Variants in ST18 observed in about 807,000 individuals in gnomAD.
ST18 encodes the protein suppression of tumorigenicity 18 protein.
In ST18, 50 loss-of-function variants were observed where a neutral mutation model predicts 110.0. That is an observed-to-expected ratio of 0.45 (90% CI 0.36 to 0.58). The LOEUF is 0.58. ST18 is among the 20% of genes least tolerant of loss of function. The pLI is 0.00. For synonymous variants in ST18, 461 were observed against 452.4 expected, an observed-to-expected ratio of 1.02 and a Z score of -0.24; for missense variants, 1,306 against 1,280.1, an observed-to-expected ratio of 1.02 and a Z score of -0.31.
intron 2 of ST18, among the ~76,000 whole-genome samples, chr8:52,397,132 C>G (rs924802106): frequency 2.0e-5 from 3 of 152,200 alleles, no homozygotes; most frequent in African/African-American, 7.2e-5. Flanking sequence ...TCTCCACACC[C>G]TTACCAACAT....
intron 23 of ST18, among the ~76,000 whole-genome samples, chr8:52,121,702 A>C (rs2044881394): frequency 6.6e-6 from 1 of 152,166 alleles, no homozygotes; most frequent in Non-Finnish European, 1.5e-5. Flanking sequence ...TGAAAATACT[A>C]TCTTTATTCA....
chr8:52,318,415 T>C (rs2096066786), intron 2 of ST18, among the ~76,000 whole-genome samples: 1 of 152,166 alleles, frequency 6.6e-6, no homozygotes, highest in Non-Finnish European at 1.5e-5. Flanking sequence ...CTGGCAACGT[T>C]GTGGAGAAAA....
At chr8:52,341,940 C>T (rs951463569) in intron 2 of ST18, among the ~76,000 whole-genome samples, 12 of 152,304 alleles carry the variant, frequency 7.9e-5, no homozygotes, top group Middle Eastern at 3.4e-3. Context: ...AAATAGAAAT[C>T]TGCTGGAGGG....
chr8:52,297,182 T>TG (rs1043265732), intron 2 of ST18, among the ~76,000 whole-genome samples: 1 of 152,220 alleles, frequency 6.6e-6, no homozygotes, highest in East Asian at 1.9e-4. Flanking sequence ...GCGCAGGCTG[T>TG]GGGGGGTGCA....
chr8:52,167,128 C>T, intron 10 of ST18, 142 bp from the exon 11 acceptor site: 1 of 1,177,710 alleles, frequency 8.5e-7, no homozygotes, highest in Non-Finnish European at 1.2e-6. Flanking sequence ...TTGAACAAGA[C>T]CCTCAACTAA....
chr8:52,349,012 C>T (rs376493733), intron 2 of ST18, among the ~76,000 whole-genome samples: 8 of 152,118 alleles, frequency 5.3e-5, no homozygotes, highest in African/African-American at 7.2e-5. Flanking sequence ...CCAACCCCCA[C>T]GCCCCAACCA....
chr8:52,125,990 G>A, intron 23 of ST18, 62 bp downstream of exon 23: 3 of 1,337,474 alleles, frequency 2.2e-6, no homozygotes, highest in East Asian at 4.7e-5. Context: ...CACACGGAAC[G>A]CTTTGGGGAG....
chr8:52,160,208 A>G (rs991221180), intron 14 of ST18, among the ~76,000 whole-genome samples: 1 of 152,228 alleles, frequency 6.6e-6, no homozygotes, highest in Admixed American at 6.5e-5. Context: ...CTGTATAGGC[A>G]CACACAAAAT....
intron 2 of ST18, among the ~76,000 whole-genome samples, chr8:52,366,288 T>A (rs143648098): frequency 3.1e-3 from 454 of 146,118 alleles, no homozygotes; most frequent in Middle Eastern, 6.9e-3. Context: ...GTTTCAATGT[T>A]GCCCCTCACA....
rs560265425 is a variant in ST18 at position 52,217,733 on chromosome 8, T to C, written c.-1+13A>G. 7.2e-5 allele frequency: 11 copies of C among 152,366 alleles called. 1 individual carries two copies. Among genetic ancestry groups the C allele is most frequent in the African/African-American group, 2.6e-4 (11 of 41,592 alleles). The allele number at this position is 152,366 out of a possible 1,614,324, so 9.4% of individuals were successfully genotyped here. A position where few individuals can be genotyped will look rare whatever the true frequency, so the allele number is the denominator to read the frequency against. On this transcript the variant is annotated intron_variant, in intron 6 of 25. Coordinates refer to ENST00000689386, the MANE Select transcript of ST18 (RefSeq NM_001352837.2). ...GGAAAGCTCTCATTTAATATCTTTA[T>C]GTACTTACAAACCTATAAACAGATG...
chr8:52,251,691 G>C (rs1407643889), intron 2 of ST18, among the ~76,000 whole-genome samples: 1 of 151,938 alleles, frequency 6.6e-6, no homozygotes, highest in East Asian at 1.9e-4. Flanking sequence ...GAGCAATGAA[G>C]TCTTTACTAC....
At chr8:52,306,456 A>G (rs939773140) in intron 2 of ST18, among the ~76,000 whole-genome samples, 2 of 152,246 alleles carry the variant, frequency 1.3e-5, no homozygotes, top group African/African-American at 4.8e-5. Flanking sequence ...GTTGAAAAAA[A>G]CAAATACATG....
chr8:52,246,083 C>A (rs776487854), intron 2 of ST18, among the ~76,000 whole-genome samples: 1 of 152,004 alleles, frequency 6.6e-6, no homozygotes, highest in Non-Finnish European at 1.5e-5. Flanking sequence ...TTTGACAACA[C>A]TATATTCAAA....
rs1318077379 is a variant in ST18, at chr8:52,131,988, T to A, written c.2636A>T (p.His879Leu). 6 of 1,614,042 alleles carry A rather than the reference T, an allele frequency of 3.7e-6. No homozygotes were observed. The highest frequency in any genetic ancestry group is 4.2e-6 in the Non-Finnish European group (5 of 1,180,032). The change falls in exon 22 of 26, where the codon CAT (histidine) becomes CTT (leucine). Residue 879 changes from histidine to leucine, a missense_variant. By Grantham distance (99) the His-to-Leu change is moderately conservative. Coordinates refer to ENST00000689386, the MANE Select transcript of ST18 (RefSeq NM_001352837.2). ...GTGGGTGACAAAAACATTATTTACATGGCCCAGCCCATTGCAGCCTGGCAA... is the reference window on the plus strand; with the variant it reads ...GTGGGTGACAAAAACATTATTTACAAGGCCCAGCCCATTGCAGCCTGGCAA... ...CPLPGCNGLG[H>L]VNNVFVTHRS...
chr8:52,137,810 A>C, intron 17 of ST18: 1 of 243,068 alleles, frequency 4.1e-6, no homozygotes, highest in Non-Finnish European at 8.0e-6. Flanking sequence ...TCATTTGAAA[A>C]ATGTATATGT....
intron 2 of ST18, among the ~76,000 whole-genome samples, chr8:52,375,567 T>C (rs1435354113): frequency 2.0e-5 from 3 of 152,208 alleles, no homozygotes; most frequent in Non-Finnish European, 4.4e-5. Context: ...TTCCCTTCAC[T>C]GGTTGCTCCT....
chr8:52,223,026 G>A (rs1029927424), intron 3 of ST18, among the ~76,000 whole-genome samples: 9 of 152,116 alleles, frequency 5.9e-5, no homozygotes, highest in South Asian at 2.1e-4. Flanking sequence ...GTAACCTAAC[G>A]GGCTACCCAA....
At chr8:52,199,506 G>T (rs1190131527) in intron 8 of ST18, 1 of 152,118 alleles carries the variant, frequency 6.6e-6, no homozygotes, top group African/African-American at 2.4e-5. Flanking sequence ...CCAAGAAATT[G>T]CCCTGCATCT....
At chr8:52,349,465 G>A (rs985690441) in intron 2 of ST18, among the ~76,000 whole-genome samples, 3 of 152,144 alleles carry the variant, frequency 2.0e-5, no homozygotes, top group Non-Finnish European at 2.9e-5. Flanking sequence ...ATGTTGCATA[G>A]AGTTTGAGCT....
Sources: allele counts gnomAD v4.1 joint callset (sites outside exome capture counted in the v4.1 genomes callset), GRCh38; gene constraint gnomAD v4.1.1; transcripts MANE v1.5; gene names NCBI Gene and HGNC (gene_info 2026-07-23, HGNC 2026-07-21).